The following SLC9A7 variants were observed in gnomAD, a reference collection of about 807,000 sequenced individuals.
SLC9A7 encodes solute carrier family 9 member A7.
Under a neutral mutation model 52.6 loss-of-function variants are expected in SLC9A7, and 19 were observed. The ratio of observed to expected loss-of-function variants is 0.36; its 90% CI spans 0.25 to 0.53. SLC9A7 has a LOEUF of 0.53. Among genes scored for constraint, SLC9A7 ranks in the 20% least tolerant of loss-of-function variants. The probability of loss-of-function intolerance (pLI) is 0.91; values close to 1 mark genes in which losing one functional copy is unlikely to be tolerated. For synonymous variants in SLC9A7, 226 were observed against 252.1 expected, an observed-to-expected ratio of 0.90 and a Z score of 0.98; for missense variants, 455 against 597.9, an observed-to-expected ratio of 0.76 and a Z score of 2.49.
chrX:46,738,104 AAAGAG>A (rs150336717), intron 1 of SLC9A7, among the ~76,000 whole-genome samples: 2,825 of 53,914 alleles, frequency 0.052, 160 homozygotes, highest in Non-Finnish European at 0.11. Context: ...AGAAAGAAAG[AAAGAG>A]AAAAGAAAAG....
chrX:46,669,456 C>A, intron 5 of SLC9A7, 151 bp downstream of exon 5: 1 of 378,911 alleles, frequency 2.6e-6, no homozygotes, highest in Non-Finnish European at 4.6e-6. Context: ...TCTGTTAGAC[C>A]CACCTATTGG....
At chrX:46,654,982 C>CTTTTTTTTTTTTTTTTTTTTTTCT (rs60881484) in intron 7 of SLC9A7, among the ~76,000 whole-genome samples, 1 of 83,623 alleles carries the variant, frequency 1.2e-5, no homozygotes, top group Non-Finnish European at 2.3e-5. Context: ...TTCTTTCTTT[C>CTTTTTTTTTTTTTTTTTTTTTTCT]TTTTTTTTTT....
At chrX:46,666,333 G>T (rs1196619834) in intron 5 of SLC9A7, among the ~76,000 whole-genome samples, 3 of 111,580 alleles carry the variant, frequency 2.7e-5, no homozygotes, top group African/African-American at 9.8e-5. Context: ...GCCAATATCA[G>T]AATTTTTGTT....
At chrX:46,612,448 T>C (rs6611275) in intron 16 of SLC9A7, among the ~76,000 whole-genome samples, 43,020 of 110,355 alleles carry the variant, frequency 0.39, 8,993 homozygotes, top group African/African-American at 0.8. Context: ...ACATGTTCTT[T>C]TCATACTGTG....
intron 14 of SLC9A7, among the ~76,000 whole-genome samples, chrX:46,627,782 G>GCC (rs1943156420): frequency 1.8e-5 from 2 of 109,013 alleles, no homozygotes; most frequent in African/African-American, 6.7e-5. Flanking sequence ...GCGGGTTGGG[G>GCC]GGGGGGCGGT....
chrX:46,758,366 G>C (rs1337864184), intron 1 of SLC9A7, among the ~76,000 whole-genome samples: 2 of 111,925 alleles, frequency 1.8e-5, no homozygotes, highest in African/African-American at 6.5e-5. Context: ...CAGCCACCAC[G>C]CAGGCACACA....
chrX:46,682,363 G>A lies in SLC9A7; in HGVS notation c.498C>T (p.Ser166=), dbSNP rs374669846. ...TCCGTAGCATATCATTCTGCTCTAC[G>A]CTGTTGATCTTGCCAGGACTGATTT... ...KGEISPGKIN[S]VEQNDMLRKV... is the part of the protein sequence containing the mutation. Residue 166 remains serine (S), a synonymous_variant, in exon 2 of 17, where the codon AGC becomes AGT. Coordinates refer to ENST00000616978, the MANE Select transcript of SLC9A7 (RefSeq NM_001257291.2). 35 of 1,209,765 alleles carry A rather than the reference G, an allele frequency of 2.9e-5. No homozygotes were observed. Among genetic ancestry groups the A allele is most frequent in the African/African-American group, 3.5e-5 (2 of 57,145 alleles).
At position 46,621,032 on chromosome X, in the gene SLC9A7, G is replaced by C. The variant is rs774748269; in HGVS notation, c.1768C>G (p.Arg590Gly). Residue 590 changes from arginine (R) to glycine (G), a missense_variant, in exon 15 of 17, where the codon CGG (arginine) becomes GGG (glycine). Arg to Gly is a moderately radical substitution (Grantham distance 125). Coordinates refer to ENST00000616978, the MANE Select transcript of SLC9A7 (RefSeq NM_001257291.2). Reference protein sequence around the residue: ...GDGPDSARGNRTKQESAWIFR... With the variant: ...GDGPDSARGNGTKQESAWIFR... ...ATCCATGCGCTCTCCTGTTTTGTCC[G>C]GTTTCCTCTGGCAGAATCTGGGCCG... is the stretch of plus-strand genomic sequence containing the variant. 1 of 1,205,104 alleles carries C rather than the reference G, an allele frequency of 8.3e-7. No individual in the cohort carries two copies. Among genetic ancestry groups the C allele is most frequent in the Non-Finnish European group, 1.1e-6 (1 of 890,917 alleles).
intron 14 of SLC9A7, among the ~76,000 whole-genome samples, chrX:46,626,717 A>C (rs777244257): frequency 9.0e-6 from 1 of 111,532 alleles, no homozygotes; most frequent in South Asian, 3.7e-4. Context: ...ATAGTGAGTG[A>C]GTTCTCACGA....
chrX:46,725,767 T>A, intron 1 of SLC9A7: 1 of 967,360 alleles, frequency 1.0e-6, no homozygotes, highest in Non-Finnish European at 1.5e-6. Context: ...ATGCAGTCAG[T>A]CAGGCTGGGC....
At chrX:46,720,900 T>G (rs1306007000) in intron 1 of SLC9A7, among the ~76,000 whole-genome samples, 2 of 111,521 alleles carry the variant, frequency 1.8e-5, no homozygotes, top group African/African-American at 6.5e-5. Flanking sequence ...ATATCCTGAA[T>G]TTCCAGAATA....
At chrX:46,646,673 C>A in intron 11 of SLC9A7, 2 of 278,578 alleles carry the variant, frequency 7.2e-6, no homozygotes, top group Admixed American at 3.7e-5. Flanking sequence ...GAACTGCATG[C>A]GCCTGATGTG....
At chrX:46,684,394 G>A (rs1042910320) in intron 1 of SLC9A7, among the ~76,000 whole-genome samples, 14 of 110,982 alleles carry the variant, frequency 1.3e-4, no homozygotes, top group Admixed American at 9.6e-4. Flanking sequence ...TAGTAGAGAC[G>A]GGGTTTCACC....
At chrX:46,706,946 G>T (rs1234380442) in intron 1 of SLC9A7, among the ~76,000 whole-genome samples, 1 of 110,980 alleles carries the variant, frequency 9.0e-6, no homozygotes, top group Non-Finnish European at 1.9e-5. Context: ...TCGCCATGTT[G>T]TCCAGGCTGG....
At position 46,643,289 on chromosome X, in the gene SLC9A7, A is replaced by G; in HGVS notation, c.1563T>C (p.Thr521=). 1 of 1,210,952 alleles carries G rather than the reference A, an allele frequency of 8.3e-7. No individual in the cohort carries two copies. Among genetic ancestry groups the G allele is most frequent in the South Asian group, 1.8e-5 (1 of 56,856 alleles). The change falls in exon 12 of 17, where the codon ACT becomes ACC. Residue 521 remains threonine (T), a synonymous_variant. Coordinates refer to ENST00000616978, the MANE Select transcript of SLC9A7 (RefSeq NM_001257291.2). ...TCGTGCCTCCTCCAATGATCCAGAC[A>G]GTGAAGAACACAATGAGAAGGGTGG... is the stretch of plus-strand genomic sequence containing the variant. The part of the protein sequence containing the change: ...FTTTLLIVFF[T]VWIIGGGTTP...
intron 3 of SLC9A7, among the ~76,000 whole-genome samples, chrX:46,673,775 C>G (rs1944064796): frequency 9.0e-6 from 1 of 111,316 alleles, no homozygotes; most frequent in South Asian, 3.8e-4. Context: ...AGACACAGGG[C>G]CTTCCCAGTG....
At chrX:46,729,797 G>GAA (rs1421473957) in intron 1 of SLC9A7, among the ~76,000 whole-genome samples, 1 of 110,993 alleles carries the variant, frequency 9.0e-6, no homozygotes, top group Non-Finnish European at 1.9e-5. Flanking sequence ...AAGAAAGAAA[G>GAA]AAAAGAAATG....
intron 1 of SLC9A7, chrX:46,725,449 T>C (rs1441690955): frequency 1.9e-5 from 21 of 1,097,557 alleles, no homozygotes; most frequent in Non-Finnish European, 2.5e-5. Context: ...TGGTCGATTT[T>C]CACTTGCTTG....
chrX:46,612,516 A>T (rs1438918557), intron 16 of SLC9A7, among the ~76,000 whole-genome samples: 1 of 111,958 alleles, frequency 8.9e-6, no homozygotes, highest in Non-Finnish European at 1.9e-5. Flanking sequence ...TATCAACATA[A>T]ATAAACTATT....
Sources: gnomAD v4.1 joint callset for allele counts (sites outside exome capture counted in the v4.1 genomes callset) on GRCh38, gnomAD v4.1.1 for gene constraint, MANE v1.5 for transcripts, NCBI Gene and HGNC (gene_info 2026-07-23, HGNC 2026-07-21) for gene names.